FMNL2: variants seen among roughly 807,000 people sequenced by gnomAD.
FMNL2 encodes the protein formin like 2.
In FMNL2, 51 loss-of-function variants were observed where a neutral mutation model predicts 130.2. The ratio of observed to expected loss-of-function variants is 0.39; its 90% confidence interval spans 0.31 to 0.49. The LOEUF is 0.49. FMNL2 is among the 20% of genes least tolerant of loss of function. The probability of loss-of-function intolerance (pLI) is 0.85; values close to 1 mark genes in which losing one functional copy is unlikely to be tolerated. For missense variants in FMNL2, 977 were observed against 1,316.2 expected (o/e 0.74, Z 3.99); for synonymous variants, 465 against 467.1 (o/e 1.00, Z 0.06).
At chr2:152,596,129 ATT>A (rs11360283) in intron 9 of FMNL2, among the ~76,000 whole-genome samples, 128 of 147,748 alleles carry the variant, frequency 8.7e-4, no homozygotes, top group Non-Finnish European at 9.3e-4. Context: ...CGCCTGGGTG[ATT>A]TTTTTTTTTT....
chr2:152,617,480 C>G, intron 13 of FMNL2, among the ~76,000 whole-genome samples: 1 of 152,196 alleles, frequency 6.6e-6, no homozygotes, highest in East Asian at 1.9e-4. Context: ...GTGGAACACC[C>G]ATTTGGTTGG....
intron 1 of FMNL2, among the ~76,000 whole-genome samples, chr2:152,371,757 T>A (rs1042989034): frequency 2.0e-5 from 3 of 151,602 alleles, no homozygotes; most frequent in African/African-American, 7.3e-5. Flanking sequence ...CCTTCATGCA[T>A]GAATTGATCC....
chr2:152,591,481 C>G (rs147483070), intron 9 of FMNL2, among the ~76,000 whole-genome samples: 1 of 152,182 alleles, frequency 6.6e-6, no homozygotes, highest in Non-Finnish European at 1.5e-5. Flanking sequence ...ACAGTGACCC[C>G]GTTACAGGGT....
chr2:152,482,842 A>T (rs1475153790), intron 1 of FMNL2, among the ~76,000 whole-genome samples: 1 of 152,154 alleles, frequency 6.6e-6, no homozygotes, highest in African/African-American at 2.4e-5. Context: ...ACTCTTTGAC[A>T]TAATTATAAA....
At chr2:152,346,580 GC>G (rs1682135933) in intron 1 of FMNL2, among the ~76,000 whole-genome samples, 1 of 150,898 alleles carries the variant, frequency 6.6e-6, no homozygotes, top group African/African-American at 2.4e-5. Flanking sequence ...AATTGCTTGA[GC>G]CCAGCAGTTC....
chr2:152,504,861 T>G (rs55692468), intron 1 of FMNL2, among the ~76,000 whole-genome samples: 73,754 of 151,934 alleles, frequency 0.49, 20,384 homozygotes, highest in Admixed American at 0.62. Flanking sequence ...CTGAAGACAC[T>G]CAGAGTTCTA....
intron 1 of FMNL2, among the ~76,000 whole-genome samples, chr2:152,351,627 G>A (rs1192763849): frequency 1.3e-5 from 2 of 152,178 alleles, no homozygotes; most frequent in Non-Finnish European, 2.9e-5. Flanking sequence ...TTGGTTCCAA[G>A]TCTTTGCTAT....
chr2:152,470,531 T>G (rs1689799394), intron 1 of FMNL2, among the ~76,000 whole-genome samples: 1 of 152,232 alleles, frequency 6.6e-6, no homozygotes. Flanking sequence ...GAAAATTTAT[T>G]TCTTCTAGAT....
intron 3 of FMNL2, among the ~76,000 whole-genome samples, chr2:152,546,925 C>T (rs1372561740): frequency 6.6e-6 from 1 of 151,702 alleles, no homozygotes; most frequent in Non-Finnish European, 1.5e-5. Context: ...AGCTGCCCAT[C>T]CTGCATTACT....
At chr2:152,528,127 A>G (rs1693491476) in intron 2 of FMNL2, among the ~76,000 whole-genome samples, 1 of 152,206 alleles carries the variant, frequency 6.6e-6, no homozygotes, top group African/African-American at 2.4e-5. Flanking sequence ...TAACAGTAAT[A>G]TAATTATTTA....
chr2:152,621,808 A>T (rs1319987472), intron 15 of FMNL2, among the ~76,000 whole-genome samples: 3 of 152,196 alleles, frequency 2.0e-5, no homozygotes, highest in Non-Finnish European at 2.9e-5. Context: ...TGGAACCAAG[A>T]GGCCAGACAG....
At chr2:152,458,928 C>A (rs1689094242) in intron 1 of FMNL2, among the ~76,000 whole-genome samples, 1 of 152,108 alleles carries the variant, frequency 6.6e-6, no homozygotes, top group Non-Finnish European at 1.5e-5. Flanking sequence ...GTTAAGGGCA[C>A]CAAACTGTGC....
intron 3 of FMNL2, among the ~76,000 whole-genome samples, chr2:152,546,683 T>G (rs532618184): frequency 6.6e-6 from 1 of 152,208 alleles, no homozygotes; most frequent in Admixed American, 6.5e-5. Flanking sequence ...CAACCACCTG[T>G]GCAGGCAGCC....
chr2:152,383,273 C>CTAT, intron 1 of FMNL2, among the ~76,000 whole-genome samples: 2 of 97,620 alleles, frequency 2.0e-5, no homozygotes, highest in East Asian at 6.7e-4. Context: ...TCCGTTAATC[C>CTAT]TTTTTTTTTT....
intron 2 of FMNL2, among the ~76,000 whole-genome samples, chr2:152,532,730 C>T (rs1693777054): frequency 6.6e-6 from 1 of 151,646 alleles, no homozygotes; most frequent in Non-Finnish European, 1.5e-5. Context: ...GCCTCAGTCT[C>T]CCGAGTAGCT....
At chr2:152,376,101 C>T (rs1397498167) in intron 1 of FMNL2, among the ~76,000 whole-genome samples, 5 of 152,076 alleles carry the variant, frequency 3.3e-5, no homozygotes, top group African/African-American at 1.2e-4. Context: ...ACCATGTTGG[C>T]CAGGCTGGCC....
At chr2:152,341,589 C>G (rs1681809865) in intron 1 of FMNL2, among the ~76,000 whole-genome samples, 1 of 152,170 alleles carries the variant, frequency 6.6e-6, no homozygotes, top group Non-Finnish European at 1.5e-5. Context: ...TTTCCTCTGG[C>G]CCTTGGTTTT....
chr2:152,436,390 A>T (rs1349531517), intron 1 of FMNL2, among the ~76,000 whole-genome samples: 1 of 152,130 alleles, frequency 6.6e-6, no homozygotes, highest in East Asian at 1.9e-4. Flanking sequence ...CAATCCGCTG[A>T]CCTCAGCCTC....
chr2:152,635,436 T>C (rs1203597271), intron 21 of FMNL2, among the ~76,000 whole-genome samples: 1 of 152,222 alleles, frequency 6.6e-6, no homozygotes, highest in Non-Finnish European at 1.5e-5. Flanking sequence ...ATTGCTTGAA[T>C]TTGCTTTTTG....
Sources: allele counts gnomAD v4.1 joint callset (sites outside exome capture counted in the v4.1 genomes callset), GRCh38; gene constraint gnomAD v4.1.1; transcripts MANE v1.5; gene names NCBI Gene and HGNC (gene_info 2026-07-23, HGNC 2026-07-21).